The following ENO3 variants were observed in gnomAD, a reference collection of about 807,000 sequenced individuals.
ENO3 encodes the protein enolase 3.
In ENO3, 46 loss-of-function variants were observed where a neutral mutation model predicts 47.7. The ratio of observed to expected loss-of-function variants is 0.96; its 90% CI spans 0.76 to 1.23. ENO3 has a LOEUF of 1.23. ENO3 is among the 50% of genes most tolerant of loss of function. The pLI, the probability that ENO3 is intolerant of heterozygous loss-of-function variation, is 0.00. For synonymous variants in ENO3, 223 were observed against 225.9 expected, an observed-to-expected ratio of 0.99 and a Z score of 0.11; for missense variants, 575 against 566.2, an observed-to-expected ratio of 1.02 and a Z score of -0.16.
intron 6 of ENO3, chr17:4,954,125 A>C: frequency 1.9e-6 from 1 of 535,596 alleles, no homozygotes; most frequent in Non-Finnish European, 3.4e-6. Context: ...CCCACACCCT[A>C]CACCCAAATC....
upstream of ENO3, among the ~76,000 whole-genome samples, chr17:4,949,514 A>T (rs970770700): frequency 2.6e-5 from 4 of 151,770 alleles, no homozygotes; most frequent in South Asian, 6.2e-4. Flanking sequence ...AGAATACTCA[A>T]GTTGCAAGAG....
chr17:4,955,178 G>A lies in ENO3; in HGVS notation c.548G>A (p.Arg183His), dbSNP rs756594079. 38 of 1,614,120 alleles carry A rather than the reference G, an allele frequency of 2.4e-5. No individual in the cohort carries two copies. Among genetic ancestry groups the A allele is most frequent in the Middle Eastern group, 1.6e-4 (1 of 6,084 alleles). The change falls in exon 7 of 12, where the codon CGC becomes CAC. Residue 183 changes from arginine to histidine, a missense_variant. By Grantham distance (29) the Arg-to-His change is conservative. Transcript: ENST00000519602. ...GCCAGCTCCTTCAAGGAAGCCATGCGCATTGGCGCCGAGGTCTACCACCAC... is the reference window on the plus strand; with the variant it reads ...GCCAGCTCCTTCAAGGAAGCCATGCACATTGGCGCCGAGGTCTACCACCAC... ...VGASSFKEAM[R>H]IGAEVYHHLK...
At chr17:4,951,219 T>C (rs1266882823) in intron 1 of ENO3, 37 bp downstream of exon 1, 22 of 993,386 alleles carry the variant, frequency 2.2e-5, no homozygotes, top group Non-Finnish European at 2.5e-5. Flanking sequence ...GTGGAGGTAG[T>C]AAAGGGTGAG....
chr17:4,956,445 A>G, intron 9 of ENO3, 128 bp from the exon 10 acceptor site: 2 of 946,694 alleles, frequency 2.1e-6, no homozygotes, highest in Non-Finnish European at 3.5e-6. Context: ...CTACTTCCCA[A>G]AGAACTTAGT....
rs758851659 is a variant in ENO3 at position 4,955,277 on chromosome 17, A to T, written c.647A>T (p.Asn216Ile). The T allele has an allele frequency of 1.2e-6, 2 of 1,614,142 alleles. No individual in the cohort carries two copies. Among genetic ancestry groups the T allele is most frequent in the East Asian group, 4.5e-5 (2 of 44,896 alleles). The change falls in exon 7 of 12, where the codon AAC becomes ATC. Residue 216 changes from asparagine (N) to isoleucine (I), a missense_variant. Coordinates refer to ENST00000519602, the MANE Select transcript of ENO3 (RefSeq NM_053013.4). ...GGTGATGAAGGTGGCTTCGCACCCAACATCCTGGAGAACAATGAGGGTCAG... is the reference window on the plus strand; with the variant it reads ...GGTGATGAAGGTGGCTTCGCACCCATCATCCTGGAGAACAATGAGGGTCAG... ...NVGDEGGFAP[N>I]ILENNEALEL...
At chr17:4,950,569 G>T, upstream of ENO3, 13 of 985,544 alleles carry the variant, frequency 1.3e-5, no homozygotes, top group Non-Finnish European at 1.6e-5. Context: ...CCCGGCGCTG[G>T]CTGGCCTGGA....
Position 4,956,604 on chromosome 17 carries a change from G to A in ENO3, c.1099G>A (p.Val367Met), listed in dbSNP as rs1253948847. The A allele has an allele frequency of 1.2e-6, 2 of 1,614,210 alleles. No homozygotes were observed. The highest frequency in any genetic ancestry group is 1.1e-5 in the South Asian group (1 of 91,086). Residue 367 changes from valine to methionine, a missense_variant, in exon 10 of 12, where the codon GTG becomes ATG. Transcript: ENST00000519602. ...ACTGGCTCAGTCTAATGGCTGGGGGGTGATGGTGAGCCACCGCTCTGGGGA... is the reference window on the plus strand; with the variant it reads ...ACTGGCTCAGTCTAATGGCTGGGGGATGATGGTGAGCCACCGCTCTGGGGA... The part of the protein sequence containing the change: ...CKLAQSNGWG[V>M]MVSHRSGETE...
Position 4,952,906 on chromosome 17 carries a change from C to T in ENO3, c.181+16C>T, listed in dbSNP as rs375137643. 2.2e-5 allele frequency: 35 copies of T among 1,611,150 alleles called. No homozygotes were observed. Among genetic ancestry groups the T allele is most frequent in the East Asian group, 1.3e-4 (6 of 44,856 alleles). On this transcript the variant is annotated intron_variant, in intron 3 of 11. Transcript: ENST00000519602. ...CTGGGGAAAGGTGAGGAGACACCAG[C>T]GCAGAAGGAGCCTGTGTGGGCGGCT...
Position 4,957,002 on chromosome 17 carries a change from G to C in ENO3, c.1260G>C (p.Lys420Asn), listed in dbSNP as rs767758917. 45 of 1,614,124 alleles carry C rather than the reference G, an allele frequency of 2.8e-5. No homozygotes were observed. The highest frequency in any genetic ancestry group is 3.7e-5 in the Non-Finnish European group (44 of 1,180,054). ...LMRIEEALGD[K>N]AIFAGRKFRN... is the part of the protein sequence containing the mutation. ...GGATCGAGGAGGCTCTTGGGGACAA[G>C]GCAATCTTTGCTGGACGCAAGTTCC... The change falls in exon 12 of 12, where the codon AAG becomes AAC. Residue 420 changes from lysine to asparagine, a missense_variant. By Grantham distance (94) the Lys-to-Asn change is moderately conservative. Coordinates refer to ENST00000519602, the MANE Select transcript of ENO3 (RefSeq NM_053013.4).
At chr17:4,951,253 G>A (rs961410790) in intron 1 of ENO3, 71 bp downstream of exon 1, 43 of 1,008,510 alleles carry the variant, frequency 4.3e-5, no homozygotes, top group Non-Finnish European at 4.9e-5. Context: ...TGGAGGAAGT[G>A]GGGGACATTT....
Position 4,953,288 on chromosome 17 carries a change from A to G in ENO3, c.257A>G (p.Asp86Gly). The change falls in exon 5 of 12, where the codon GAT (aspartate) becomes GGT (glycine). Residue 86 changes from aspartate (D) to glycine (G), a missense_variant. Transcript: ENST00000519602. ...ALLQKKLSVV[D>G]QEKVDKFMIE... ...CCCTTCCAGAAACTAAGCGTTGTGG[A>G]TCAAGAAAAAGTTGACAAATTTATG... 1 of 1,614,208 alleles carries G rather than the reference A, an allele frequency of 6.2e-7. No individual in the cohort carries two copies. The highest frequency in any genetic ancestry group is 8.5e-7 in the Non-Finnish European group (1 of 1,180,036).
At chr17:4,955,650 G>C (rs1268619536) in intron 8 of ENO3, 46 bp downstream of exon 8, 2 of 1,611,542 alleles carry the variant, frequency 1.2e-6, no homozygotes, top group African/African-American at 1.3e-5. Context: ...ATCCCGTGCA[G>C]CTGCCTAATA....
intron 2 of ENO3, chr17:4,952,217 C>G: frequency 2.3e-6 from 1 of 439,882 alleles, no homozygotes; most frequent in Admixed American, 2.9e-5. Flanking sequence ...CGCTCTGTGG[C>G]CCGGGCTGGA....
chr17:4,951,549 T>G (rs534442658), intron 1 of ENO3, among the ~76,000 whole-genome samples: 78 of 151,862 alleles, frequency 5.1e-4, no homozygotes, highest in Admixed American at 1.4e-3. Flanking sequence ...GGAGAAGGCC[T>G]AAGTGGAGGC....
At chr17:4,955,010 C>CCCCCCCAG in intron 6 of ENO3, 65 bp from the exon 7 acceptor site, 1 of 1,503,468 alleles carries the variant, frequency 6.7e-7, no homozygotes, top group Non-Finnish European at 9.1e-7. Flanking sequence ...CAACACCCCC[C>CCCCCCCAG]GCCCCTGTCC....
chr17:4,951,576 C>A, intron 1 of ENO3: 2 of 491,208 alleles, frequency 4.1e-6, no homozygotes, highest in South Asian at 4.1e-5. Context: ...GAGGTGGGGG[C>A]TTGGTGAGCG....
In ENO3 at chr17:4,956,006, G is replaced by A. The variant is rs1346672984; in HGVS notation, c.930G>A (p.Gly310=). 1 of 1,613,876 alleles carries A rather than the reference G, an allele frequency of 6.2e-7. No homozygotes were observed. The highest frequency in any genetic ancestry group is 8.5e-7 in the Non-Finnish European group (1 of 1,179,966). The part of the protein sequence containing the change: ...DWATWTSFLS[G]VNIQIVGDDL... ...CCACTTGGACCTCCTTCCTCTCGGG[G>A]GTGAACATCCAGATTGTGGGGGATG... Residue 310 remains glycine, a synonymous_variant, in exon 9 of 12, where the codon GGG becomes GGA. Coordinates refer to ENST00000519602, the MANE Select transcript of ENO3 (RefSeq NM_053013.4).
chr17:4,952,979 C>T, intron 3 of ENO3, 72 bp from the exon 4 acceptor site: 5 of 1,612,034 alleles, frequency 3.1e-6, no homozygotes, highest in Non-Finnish European at 4.2e-6. Flanking sequence ...CCCCAAGGCT[C>T]TTGAGGAGCT....
At chr17:4,949,469 G>T (rs773749010), upstream of ENO3, among the ~76,000 whole-genome samples, 1 of 152,244 alleles carries the variant, frequency 6.6e-6, no homozygotes, top group Non-Finnish European at 1.5e-5. Flanking sequence ...GGACACCCGC[G>T]GGGCTTAACA....
Sources: gnomAD v4.1 joint callset for allele counts (sites outside exome capture counted in the v4.1 genomes callset) on GRCh38, gnomAD v4.1.1 for gene constraint, MANE v1.5 for transcripts, NCBI Gene and HGNC (gene_info 2026-07-23, HGNC 2026-07-21) for gene names.